Variants in RGMB observed in about 807,000 individuals in gnomAD.
RGMB encodes the protein repulsive guidance molecule B.
A neutral mutation model predicts 26.9 loss-of-function variants in RGMB; 16 were observed. That is an observed-to-expected ratio of 0.60 (90% CI 0.40 to 0.90). RGMB has a LOEUF of 0.90. Among genes scored for constraint, RGMB ranks in the 40% least tolerant of loss-of-function variants. The probability of loss-of-function intolerance (pLI) is 0.00; values close to 1 mark genes in which losing one functional copy is unlikely to be tolerated. For missense variants in RGMB, 512 were observed against 573.3 expected, an observed-to-expected ratio of 0.89 and a Z score of 1.09; for synonymous variants, 225 against 229.3, an observed-to-expected ratio of 0.98 and a Z score of 0.17.
chr5:98,777,376 C>T (rs569230594), intron 1 of RGMB, among the ~76,000 whole-genome samples: 1 of 152,112 alleles, frequency 6.6e-6, no homozygotes, highest in African/African-American at 2.4e-5. Context: ...GACCTTGGCC[C>T]CATATTTATT....
intron 2 of RGMB, 94 bp from the exon 3 acceptor site, chr5:98,792,991 A>G: frequency 2.0e-6 from 2 of 983,964 alleles, no homozygotes; most frequent in South Asian, 3.5e-5. Flanking sequence ...TAAGCCATTC[A>G]GCTTCAAAAT....
chr5:98,778,317 G>A (rs1218549233), intron 1 of RGMB, among the ~76,000 whole-genome samples: 1 of 152,032 alleles, frequency 6.6e-6, no homozygotes, highest in South Asian at 2.1e-4. Flanking sequence ...TCCACATCTT[G>A]AAATAATTAT....
chr5:98,778,699 G>A (rs1388948794), intron 1 of RGMB, among the ~76,000 whole-genome samples: 3 of 152,208 alleles, frequency 2.0e-5, no homozygotes, highest in South Asian at 2.1e-4. Context: ...ATAAATTTTT[G>A]TTTGAGAAAC....
chr5:98,780,081 C>A lies in RGMB; in HGVS notation c.638C>A (p.Thr213Lys). The A allele has an allele frequency of 6.2e-7, 1 of 1,608,076 alleles. No individual in the cohort carries two copies. Among genetic ancestry groups the A allele is most frequent in the Non-Finnish European group, 8.5e-7 (1 of 1,179,242 alleles). Reference sequence around the variant, plus strand: ...GTCCCTGGATCCAGTGCTACTGCTACAAATAAGGCAAGTATACCTTCTTTT... The same window carrying A: ...GTCCCTGGATCCAGTGCTACTGCTAAAAATAAGGCAAGTATACCTTCTTTT... ...PVVPGSSATATNKITIIFKAH... is the reference protein window; with the variant it reads ...PVVPGSSATAKNKITIIFKAH... Residue 213 changes from threonine to lysine, a missense_variant, in exon 2 of 3, where the codon ACA (threonine) becomes AAA (lysine). Thr to Lys is a moderately conservative substitution (Grantham distance 78). Coordinates refer to ENST00000513185, the MANE Select transcript of RGMB (RefSeq NM_001366508.1).
Position 98,774,162 on chromosome 5 carries a change from AGCT to A in RGMB, c.109_111del (p.Leu37del), listed in dbSNP as rs770214076. On this transcript the variant is annotated inframe_deletion, in exon 1 of 3. Transcript: ENST00000513185. ...CCCGGGCTCTGCCCCCCGCCGCTGG[AGCT>A]GCTGCTGCTGCTGCTGTTCAGCCTC... 7.8e-4 allele frequency: 1,020 copies of A among 1,305,362 alleles called. No homozygotes were observed. Among genetic ancestry groups the A allele is most frequent in the Admixed American group, 2.3e-3 (99 of 43,470 alleles). The allele number at this position is 1,305,362 out of a possible 1,614,324, so 80.9% of individuals were successfully genotyped here.
In RGMB at chr5:98,793,104, C is replaced by T; in HGVS notation, c.665C>T (p.Ala222Val). The T allele has an allele frequency of 1.2e-6, 2 of 1,606,000 alleles. No individual in the cohort carries two copies. Among genetic ancestry groups the T allele is most frequent in the Non-Finnish European group, 1.7e-6 (2 of 1,174,236 alleles). The part of the protein sequence containing the change: ...ATNKITIIFK[A>V]HHECTDQKVY... The stretch of plus-strand genomic sequence containing the variant: ...CCACAGATCACTATTATCTTCAAAG[C>T]CCACCATGAGTGTACAGATCAGAAA... The change falls in exon 3 of 3, where the codon GCC becomes GTC. Residue 222 changes from alanine to valine, a missense_variant. Transcript: ENST00000513185.
At chr5:98,771,393 G>A (rs1318278357), upstream of RGMB, among the ~76,000 whole-genome samples, 2 of 152,172 alleles carry the variant, frequency 1.3e-5, no homozygotes, top group Admixed American at 1.3e-4. Context: ...CAGCTCACGG[G>A]CTTGAGGAGT....
rs1365055394 is a variant in RGMB at position 98,793,462 on chromosome 5, C to T, written c.1023C>T (p.Ser341=). 6.2e-7 allele frequency: 1 copy of T among 1,612,864 alleles called. No individual in the cohort carries two copies. The highest frequency in any genetic ancestry group is 8.5e-7 in the Non-Finnish European group (1 of 1,179,518). The change falls in exon 3 of 3, where the codon TCC becomes TCT. Residue 341 remains serine, a synonymous_variant. Coordinates refer to ENST00000513185, the MANE Select transcript of RGMB (RefSeq NM_001366508.1). ...TGGGACACAGCCTGCCTCGCACCTC[C>T]TTGGTGCAGGCCTGGCCTGGCTACA... ...AILGHSLPRT[S]LVQAWPGYTL...
At position 98,780,010 on chromosome 5, in the gene RGMB, C is replaced by T; in HGVS notation, c.567C>T (p.Leu189=). Residue 189 remains leucine, a synonymous_variant, in exon 2 of 3, where the codon CTC becomes CTT. Transcript: ENST00000513185. ...QTCKVEGAWP[L]IDNNYLSVQV... ...GCAAAGTAGAAGGGGCCTGGCCACT[C>T]ATAGATAATAATTATCTTTCAGTTC... 1 of 1,613,816 alleles carries T rather than the reference C, an allele frequency of 6.2e-7. No homozygotes were observed. The highest frequency in any genetic ancestry group is 8.5e-7 in the Non-Finnish European group (1 of 1,179,740).
intron 2 of RGMB, among the ~76,000 whole-genome samples, chr5:98,787,513 T>C (rs1161350947): frequency 6.6e-6 from 1 of 152,212 alleles, no homozygotes; most frequent in Non-Finnish European, 1.5e-5. Flanking sequence ...ATTTTTAGCC[T>C]CTAGTCTGAA....
At chr5:98,790,959 T>G (rs1243680005) in intron 2 of RGMB, among the ~76,000 whole-genome samples, 2 of 152,174 alleles carry the variant, frequency 1.3e-5, no homozygotes, top group Admixed American at 1.3e-4. Context: ...CTTGAATCAA[T>G]CTTTTCATCT....
intron 2 of RGMB, among the ~76,000 whole-genome samples, chr5:98,791,339 G>T (rs544861347): frequency 6.6e-6 from 1 of 152,184 alleles, no homozygotes; most frequent in Admixed American, 6.5e-5. Context: ...TTTATAACTG[G>T]CTGAAGTAAA....
intron 2 of RGMB, chr5:98,792,791 AAC>A: frequency 9.8e-6 from 2 of 203,610 alleles, no homozygotes; most frequent in East Asian, 1.1e-4. Flanking sequence ...AAAAAAAAAA[AAC>A]CGATATTCTG....
chr5:98,775,314 C>T (rs930979075), intron 1 of RGMB, among the ~76,000 whole-genome samples: 3 of 152,054 alleles, frequency 2.0e-5, no homozygotes, highest in Admixed American at 2.0e-4. Flanking sequence ...ATTTACTTTG[C>T]GTAGCTTTGC....
chr5:98,774,438 C>A (rs1239309287), intron 1 of RGMB, among the ~76,000 whole-genome samples: 1 of 152,202 alleles, frequency 6.6e-6, no homozygotes, highest in African/African-American at 2.4e-5. Context: ...TCCCCGCCTT[C>A]GGCTCGGACC....
intron 1 of RGMB, among the ~76,000 whole-genome samples, chr5:98,778,657 G>A (rs1243291360): frequency 6.6e-6 from 1 of 152,180 alleles, no homozygotes; most frequent in Non-Finnish European, 1.5e-5. Flanking sequence ...AACTGACCTA[G>A]TATTGGTAGT....
chr5:98,783,590 A>C (rs1347778955), intron 2 of RGMB, among the ~76,000 whole-genome samples: 1 of 152,208 alleles, frequency 6.6e-6, no homozygotes, highest in African/African-American at 2.4e-5. Flanking sequence ...CCAACCTCTC[A>C]GTCTCAACTC....
At position 98,792,771 on chromosome 5, in the gene RGMB, T is replaced by TAAAA. The variant is rs5869833; in HGVS notation, c.646-296_646-293dup. ...GGGCAAGAGAGCTGACCCTGTCACT[T>TAAAA]AAAAAAAAAAAAAAAAAAAAACCGA... On this transcript the variant is annotated intron_variant, in intron 2 of 2. Transcript: ENST00000513185. 87 of 121,972 alleles carry TAAAA rather than the reference T, an allele frequency of 7.1e-4. 1 individual carries two copies. The highest frequency in any genetic ancestry group is 1.4e-3 in the Admixed American group (17 of 11,824). The allele number at this position is 121,972 out of a possible 1,614,324, so 7.6% of individuals were successfully genotyped here. A position where few individuals can be genotyped will look rare whatever the true frequency, so the allele number is the denominator to read the frequency against.
intron 2 of RGMB, among the ~76,000 whole-genome samples, chr5:98,786,907 G>A (rs1047412468): frequency 1.3e-5 from 2 of 152,142 alleles, no homozygotes; most frequent in African/African-American, 4.8e-5. Context: ...TTAAGAGTTG[G>A]AGCCAAAAGA....
Sources: allele counts gnomAD v4.1 joint callset (sites outside exome capture counted in the v4.1 genomes callset), GRCh38; gene constraint gnomAD v4.1.1; transcripts MANE v1.5; gene names NCBI Gene and HGNC (gene_info 2026-07-23, HGNC 2026-07-21).